The following ARHGAP5 variants were observed in gnomAD, a reference collection of about 807,000 sequenced individuals.
The protein encoded by ARHGAP5 is rho GTPase-activating protein 5.
ARHGAP5 carries 23 observed loss-of-function variants against 116.6 expected under a neutral mutation model. The ratio of observed to expected loss-of-function variants is 0.20; its 90% confidence interval spans 0.14 to 0.28. ARHGAP5 has a LOEUF of 0.28. ARHGAP5 is among the 10% of genes least tolerant of loss of function. The pLI is 1.00. For synonymous variants in ARHGAP5, 574 were observed against 602.0 expected, an observed-to-expected ratio of 0.95 and a Z score of 0.68; for missense variants, 1,405 against 1,774.8, an observed-to-expected ratio of 0.79 and a Z score of 3.74.
chr14:32,098,611 T>C (rs1566664550), intron 2 of ARHGAP5, among the ~76,000 whole-genome samples: 2 of 152,212 alleles, frequency 1.3e-5, no homozygotes, highest in Non-Finnish European at 2.9e-5. Flanking sequence ...TGATAGTAAA[T>C]GTTTTAGGCT....
At chr14:32,115,862 G>A (rs918562039) in intron 2 of ARHGAP5, among the ~76,000 whole-genome samples, 2 of 151,430 alleles carry the variant, frequency 1.3e-5, no homozygotes, top group Non-Finnish European at 2.9e-5. Flanking sequence ...TGGTGTGGTG[G>A]CAGGCGCCTG....
rs1410311405 is a variant in ARHGAP5, at chr14:32,091,451, C to A, written c.782C>A (p.Ala261Asp). The change falls in exon 2 of 7, where the codon GCT becomes GAT. Residue 261 changes from alanine (A) to aspartate (D), a missense_variant. By Grantham distance (126) the Ala-to-Asp change is moderately radical. This residue lies in a region of ARHGAP5 where 190 missense variants were observed against 314.9 expected (regional missense o/e 0.60). Transcript: ENST00000345122. Reference protein sequence around the residue: ...SKPKIIPYLDAYKTQRQLVVT... With the variant: ...SKPKIIPYLDDYKTQRQLVVT... ...CCTAAAATTATTCCCTATTTGGATG[C>A]TTATAAAACACAGAGACAACTTGTT... 1 of 1,612,354 alleles carries A rather than the reference C, an allele frequency of 6.2e-7. No individual in the cohort carries two copies. The highest frequency in any genetic ancestry group is 8.5e-7 in the Non-Finnish European group (1 of 1,179,378).
chr14:32,084,528 A>C (rs2041809897), intron 1 of ARHGAP5, among the ~76,000 whole-genome samples: 1 of 152,186 alleles, frequency 6.6e-6, no homozygotes, highest in Non-Finnish European at 1.5e-5. Context: ...CTGGAGATTG[A>C]GTCATTTATT....
intron 2 of ARHGAP5, among the ~76,000 whole-genome samples, chr14:32,108,143 A>G (rs1388525909): frequency 1.3e-5 from 2 of 152,200 alleles, no homozygotes; most frequent in African/African-American, 4.8e-5. Flanking sequence ...AGGGAATGGT[A>G]GGGAAAGCCA....
At chr14:32,123,972 T>A (rs1880017412) in intron 3 of ARHGAP5, among the ~76,000 whole-genome samples, 1 of 152,206 alleles carries the variant, frequency 6.6e-6, no homozygotes, top group Non-Finnish European at 1.5e-5. Flanking sequence ...CTCTCATATA[T>A]GTGCAGTATT....
At chr14:32,146,008 G>A (rs1216839637) in intron 3 of ARHGAP5, among the ~76,000 whole-genome samples, 1 of 151,980 alleles carries the variant, frequency 6.6e-6, no homozygotes, top group Non-Finnish European at 1.5e-5. Context: ...CCAGGCTCAG[G>A]TGGGGAGCCT....
intron 3 of ARHGAP5, among the ~76,000 whole-genome samples, chr14:32,140,112 TTCC>T (rs1566681699): frequency 1.0e-4 from 14 of 135,214 alleles, no homozygotes; most frequent in African/African-American, 3.5e-4. Context: ...TTTTTTTTTT[TTCC>T]TTTTTTTTTT....
At chr14:32,112,847 G>T (rs536427166) in intron 2 of ARHGAP5, among the ~76,000 whole-genome samples, 1 of 151,902 alleles carries the variant, frequency 6.6e-6, no homozygotes, top group East Asian at 1.9e-4. Flanking sequence ...CTCCAGCCTG[G>T]GCAATAGAAC....
intron 2 of ARHGAP5, among the ~76,000 whole-genome samples, chr14:32,096,143 T>G (rs1054610124): frequency 2.5e-4 from 37 of 147,336 alleles, no homozygotes; most frequent in Admixed American, 1.9e-3. Context: ...ATTGGTTTGT[T>G]TTTTTTTTTA....
At chr14:32,105,784 A>G (rs942173331) in intron 2 of ARHGAP5, among the ~76,000 whole-genome samples, 1 of 151,974 alleles carries the variant, frequency 6.6e-6, no homozygotes, top group African/African-American at 2.4e-5. Flanking sequence ...CCTTCTCCTC[A>G]CCCATCCCTA....
chr14:32,152,297 T>C (rs991589228), intron 5 of ARHGAP5, 126 bp from the exon 6 acceptor site: 2 of 690,098 alleles, frequency 2.9e-6, no homozygotes, highest in Middle Eastern at 8.0e-4. Flanking sequence ...TCTTTGATTT[T>C]GTTTACCTAT....
chr14:32,091,484 C>T lies in ARHGAP5; in HGVS notation c.815C>T (p.Ala272Val), dbSNP rs747152428. 2 of 1,613,170 alleles carry T rather than the reference C, an allele frequency of 1.2e-6. No individual in the cohort carries two copies. Among genetic ancestry groups the T allele is most frequent in the Admixed American group, 1.7e-5 (1 of 59,932 alleles). The change falls in exon 2 of 7, where the codon GCA becomes GTA. Residue 272 changes from alanine to valine, a missense_variant. This residue lies in a region of ARHGAP5 where 944 missense variants were observed against 1,095.3 expected (regional missense o/e 0.86). Transcript: ENST00000345122. ...YKTQRQLVVT[A>V]TDKFEKLVQT... is the part of the protein sequence containing the mutation. The stretch of plus-strand genomic sequence containing the variant: ...ACACAGAGACAACTTGTTGTCACAG[C>T]AACAGATAAGTTTGAAAAACTTGTG...
intron 1 of ARHGAP5, among the ~76,000 whole-genome samples, chr14:32,086,655 T>G (rs1388857091): frequency 6.6e-6 from 1 of 151,998 alleles, no homozygotes; most frequent in African/African-American, 2.4e-5. Context: ...GTACATGTTT[T>G]AGTTCTGATT....
At chr14:32,096,603 T>C (rs1249176473) in intron 2 of ARHGAP5, among the ~76,000 whole-genome samples, 2 of 152,166 alleles carry the variant, frequency 1.3e-5, no homozygotes, top group East Asian at 3.8e-4. Context: ...CCTGGAAAAA[T>C]GTAATTTACC....
chr14:32,093,197 G>A lies in ARHGAP5; in HGVS notation c.2528G>A (p.Arg843Lys). 1 of 1,614,040 alleles carries A rather than the reference G, an allele frequency of 6.2e-7. No individual in the cohort carries two copies. Among genetic ancestry groups the A allele is most frequent in the Non-Finnish European group, 8.5e-7 (1 of 1,179,938 alleles). The stretch of plus-strand genomic sequence containing the variant: ...TCATACCACTCTTCAATTGGAGTAA[G>A]AAAAGATGAACTAGTTCATGGGTAT... Reference protein sequence around the residue: ...ILSYHSSIGVRKDELVHGYIL... With the variant: ...ILSYHSSIGVKKDELVHGYIL... The change falls in exon 2 of 7, where the codon AGA (arginine) becomes AAA (lysine). Residue 843 changes from arginine to lysine, a missense_variant. Arg to Lys is a conservative substitution (Grantham distance 26). Around this residue, in one of 6 missense-constraint regions of ARHGAP5, gnomAD observed 944 missense variants for 1,095.3 expected, o/e 0.86. Coordinates refer to ENST00000345122, the MANE Select transcript of ARHGAP5 (RefSeq NM_001030055.2).
chr14:32,125,419 T>C (rs560189012), intron 3 of ARHGAP5, among the ~76,000 whole-genome samples: 5 of 152,364 alleles, frequency 3.3e-5, no homozygotes, highest in South Asian at 2.1e-4. Context: ...CTTTTGGCTA[T>C]TGTGAACAGT....
intron 1 of ARHGAP5, among the ~76,000 whole-genome samples, chr14:32,087,437 T>A (rs1263296439): frequency 6.6e-6 from 1 of 151,848 alleles, no homozygotes; most frequent in African/African-American, 2.4e-5. Context: ...ACAACAGTTT[T>A]TTTTTTTCTA....
rs1257572640 is a variant in ARHGAP5 at position 32,093,599 on chromosome 14, A to G, written c.2930A>G (p.Asn977Ser). The G allele has an allele frequency of 1.9e-6, 3 of 1,613,998 alleles. No homozygotes were observed. Among genetic ancestry groups the G allele is most frequent in the Non-Finnish European group, 2.5e-6 (3 of 1,179,944 alleles). ...CCCAGAGACTGTTTTCCCTATAATA[A>G]CTACCCTGATTCAGATGATGACACA... ...PSPRDCFPYN[N>S]YPDSDDDTEA... The change falls in exon 2 of 7, where the codon AAC (asparagine) becomes AGC (serine). Residue 977 changes from asparagine to serine, a missense_variant. By Grantham distance (46) the Asn-to-Ser change is conservative (BLOSUM62 1). This residue lies in a region of ARHGAP5 where 944 missense variants were observed against 1,095.3 expected (regional missense o/e 0.86). Coordinates refer to ENST00000345122, the MANE Select transcript of ARHGAP5 (RefSeq NM_001030055.2).
At chr14:32,126,124 T>C (rs1880141548) in intron 3 of ARHGAP5, among the ~76,000 whole-genome samples, 1 of 152,218 alleles carries the variant, frequency 6.6e-6, no homozygotes, top group Non-Finnish European at 1.5e-5. Context: ...TCCAGTGCAA[T>C]GTTGAATAGC....
Sources: gnomAD v4.1 joint callset for allele counts (sites outside exome capture counted in the v4.1 genomes callset) on GRCh38, gnomAD v4.1.1 for gene constraint, gnomAD v4.1.1 regional missense constraint, MANE v1.5 for transcripts, NCBI Gene and HGNC (gene_info 2026-07-23, HGNC 2026-07-21) for gene names.